The following CORIN variants were observed in gnomAD, a reference collection of about 807,000 sequenced individuals.
CORIN encodes atrial natriuretic peptide-converting enzyme.
Under a neutral mutation model 125.3 loss-of-function variants are expected in CORIN, and 117 were observed. The observed-to-expected ratio is 0.93, with a 90% CI of 0.80 to 1.09. The LOEUF (loss-of-function observed/expected upper bound fraction) is 1.09. CORIN is among the 50% of genes least tolerant of loss of function. The probability of loss-of-function intolerance (pLI) is 0.00; values close to 1 mark genes in which losing one functional copy is unlikely to be tolerated. For missense variants in CORIN, 1,253 were observed against 1,306.7 expected, an observed-to-expected ratio of 0.96 and a Z score of 0.63; for synonymous variants, 450 against 466.4, an observed-to-expected ratio of 0.96 and a Z score of 0.45.
Position 47,763,465 on chromosome 4 carries a change from A to G in CORIN, c.531T>C (p.Tyr177=), listed in dbSNP as rs1729565146. ...GTTGATAGCAACTGAGGCGATGGAG[A>G]TATGTGAAAAACTTGAGGAACTTTT... ...EMEKFLKFFT[Y]LHRLSCYQHI... Residue 177 remains tyrosine, a synonymous_variant, in exon 4 of 22, where the codon TAT becomes TAC. Transcript: ENST00000273857. 3 of 1,613,996 alleles carry G rather than the reference A, an allele frequency of 1.9e-6. No homozygotes were observed. Among genetic ancestry groups the G allele is most frequent in the African/African-American group, 2.7e-5 (2 of 74,914 alleles).
chr4:47,616,675 G>A (rs557338223), intron 19 of CORIN, among the ~76,000 whole-genome samples: 13 of 152,258 alleles, frequency 8.5e-5, no homozygotes, highest in African/African-American at 1.7e-4. Context: ...TGACAAGAAC[G>A]CAACCAGAGT....
rs562373657 is a variant in CORIN, at chr4:47,706,419, T to C, written c.800-13336A>G. On this transcript the variant is annotated intron_variant, in intron 5 of 21. Coordinates refer to ENST00000273857, the MANE Select transcript of CORIN (RefSeq NM_006587.4). ...AGGAGCTATGGAGAAAGAAGCAGTC[T>C]GATGTCACGCGCTTTCTTCTGAGGG... The C allele has an allele frequency of 9.1e-5, 147 of 1,609,662 alleles. 1 individual carries two copies. The South Asian group carries it at 1.5e-3, about 16-fold the overall frequency.
intron 5 of CORIN, among the ~76,000 whole-genome samples, chr4:47,722,790 C>G (rs900167045): frequency 6.6e-6 from 1 of 152,138 alleles, no homozygotes; most frequent in Non-Finnish European, 1.5e-5. Context: ...CTTACCTCCC[C>G]CTGTGATTGT....
rs546628699 is a variant in CORIN at position 47,610,143 on chromosome 4, TG to T, written c.2541-6476del. On this transcript the variant is annotated intron_variant, in intron 19 of 21. Coordinates refer to ENST00000273857, the MANE Select transcript of CORIN (RefSeq NM_006587.4). ...CCAGTAATGGGATTGCTGGGTCAAA[TG>T]GTATTTTTGCTTCTAGATCTTTGAG... 3.4e-3 allele frequency among the ~76,000 whole-genome samples: 519 copies of T among 152,342 alleles called. 1 individual carries two copies. Among genetic ancestry groups the T allele is most frequent in the Non-Finnish European group, 3.7e-3 (251 of 68,018 alleles).
chr4:47,743,661 T>C (rs1197569286), intron 5 of CORIN, among the ~76,000 whole-genome samples: 1 of 152,142 alleles, frequency 6.6e-6, no homozygotes. Context: ...CCAAGGTGGG[T>C]GGATCACGAC....
At chr4:47,686,301 T>G (rs1328949098) in intron 6 of CORIN, among the ~76,000 whole-genome samples, 1 of 152,064 alleles carries the variant, frequency 6.6e-6, no homozygotes, top group Non-Finnish European at 1.5e-5. Flanking sequence ...CACGCATATA[T>G]ACACGTAAGT....
chr4:47,742,331 G>A (rs1232672640), intron 5 of CORIN, among the ~76,000 whole-genome samples: 1 of 151,890 alleles, frequency 6.6e-6, no homozygotes, highest in East Asian at 1.9e-4. Flanking sequence ...TGACTGAAAA[G>A]GAGGAAATAA....
intron 5 of CORIN, chr4:47,706,928 G>A: frequency 1.3e-6 from 2 of 1,599,736 alleles, no homozygotes; most frequent in Non-Finnish European, 1.7e-6. Context: ...CACTATTTGT[G>A]GTTCTCGCCG....
intron 5 of CORIN, among the ~76,000 whole-genome samples, chr4:47,720,574 T>C (rs951512432): frequency 6.6e-6 from 1 of 152,214 alleles, no homozygotes; most frequent in Non-Finnish European, 1.5e-5. Flanking sequence ...TGCTTTTATA[T>C]GCAATCATGT....
intron 4 of CORIN, among the ~76,000 whole-genome samples, chr4:47,745,515 C>T (rs997240777): frequency 2.0e-5 from 3 of 152,212 alleles, no homozygotes; most frequent in African/African-American, 7.2e-5. Flanking sequence ...AAACCTTAAA[C>T]AATACCTTAT....
In CORIN at chr4:47,709,624, T is replaced by A. The variant is rs115398095; in HGVS notation, c.800-16541A>T. Among the ~76,000 whole-genome samples the A allele has an allele frequency of 7.8e-3, 1,190 of 152,310 alleles. 16 individuals carry two copies. Among genetic ancestry groups the A allele is most frequent in the African/African-American group, 0.027 (1,119 of 41,562 alleles). On this transcript the variant is annotated intron_variant, in intron 5 of 21. Coordinates refer to ENST00000273857, the MANE Select transcript of CORIN (RefSeq NM_006587.4). ...CTTTAAAGATACTAAAATATAAATA[T>A]GTTTTTCCTTTAAAAATAATAAATA... is the stretch of plus-strand genomic sequence containing the variant.
Position 47,804,471 on chromosome 4 carries a change from G to A in CORIN, c.208+2432C>T, listed in dbSNP as rs1165012096. 3.9e-5 allele frequency among the ~76,000 whole-genome samples: 6 copies of A among 152,108 alleles called. No individual in the cohort carries two copies. The South Asian group carries it at 1.2e-3, about 32-fold the overall frequency. Reference sequence around the variant, plus strand: ...GAAGCAACCTAAATGTCCATCAACAGATGATTGGATAAAGAAAATATGGTG... The same window carrying A: ...GAAGCAACCTAAATGTCCATCAACAAATGATTGGATAAAGAAAATATGGTG... On this transcript the variant is annotated intron_variant, in intron 2 of 21. Transcript: ENST00000273857.
In CORIN at chr4:47,620,494, A is replaced by C. The variant is rs558351074; in HGVS notation, c.2540+3077T>G. On this transcript the variant is annotated intron_variant, in intron 19 of 21. Coordinates refer to ENST00000273857, the MANE Select transcript of CORIN (RefSeq NM_006587.4). ...TATAGAGTGTTATTCCAAATTGTAAAAGTAAACAATGACGGCTTGTGAAAA... is the reference window on the plus strand; with the variant it reads ...TATAGAGTGTTATTCCAAATTGTAACAGTAAACAATGACGGCTTGTGAAAA... Among the ~76,000 whole-genome samples the C allele has an allele frequency of 3.3e-5, 5 of 152,382 alleles. 1 individual carries two copies. In the South Asian group the frequency reaches 6.2e-4, roughly 19 times the overall value.
At chr4:47,674,135 G>C (rs1230279108) in intron 10 of CORIN, among the ~76,000 whole-genome samples, 1 of 152,238 alleles carries the variant, frequency 6.6e-6, no homozygotes, top group East Asian at 1.9e-4. Context: ...AACTAATGCT[G>C]AGTTGAAAGT....
At chr4:47,723,309 T>C (rs891454010) in intron 5 of CORIN, among the ~76,000 whole-genome samples, 1 of 152,146 alleles carries the variant, frequency 6.6e-6, no homozygotes, top group African/African-American at 2.4e-5. Flanking sequence ...GAGCTTGAGA[T>C]GAAAGATCCC....
chr4:47,604,304 C>T (rs1721562313), intron 19 of CORIN, among the ~76,000 whole-genome samples: 1 of 152,194 alleles, frequency 6.6e-6, no homozygotes, highest in South Asian at 2.1e-4. Context: ...CTTTGGCTCT[C>T]AGTCTCCATG....
At chr4:47,613,324 G>A (rs1446040952) in intron 19 of CORIN, among the ~76,000 whole-genome samples, 4 of 152,032 alleles carry the variant, frequency 2.6e-5, no homozygotes, top group African/African-American at 4.8e-5. Context: ...GTGGTGGCAC[G>A]TGCCTGTAGT....
At chr4:47,698,530 T>C (rs1726141078) in intron 5 of CORIN, among the ~76,000 whole-genome samples, 1 of 152,020 alleles carries the variant, frequency 6.6e-6, no homozygotes, top group African/African-American at 2.4e-5. Context: ...CACAAGGCTC[T>C]GCAGGCCTTT....
chr4:47,744,546 C>T lies in CORIN; in HGVS notation c.655G>A (p.Ala219Thr), dbSNP rs1577883802. 1 of 1,610,704 alleles carries T rather than the reference C, an allele frequency of 6.2e-7. No homozygotes were observed. The highest frequency in any genetic ancestry group is 1.1e-5 in the South Asian group (1 of 90,660). ...LLPCRSFCEAAKEGCESVLGM... is the reference protein window; with the variant it reads ...LLPCRSFCEATKEGCESVLGM... ...AGGACTGATTCACAGCCTTCTTTTG[C>T]AGCCTCACAGAAGGACCTACAGGGC... is the stretch of plus-strand genomic sequence containing the variant. The change falls in exon 5 of 22, where the codon GCA becomes ACA. Residue 219 changes from alanine to threonine, a missense_variant. Ala to Thr is a moderately conservative substitution (Grantham distance 58). Coordinates refer to ENST00000273857, the MANE Select transcript of CORIN (RefSeq NM_006587.4).
Sources: allele counts gnomAD v4.1 joint callset (sites outside exome capture counted in the v4.1 genomes callset), GRCh38; gene constraint gnomAD v4.1.1; transcripts MANE v1.5; gene names NCBI Gene and HGNC (gene_info 2026-07-23, HGNC 2026-07-21).